The following LRMDA variants were observed in gnomAD, a reference collection of about 807,000 sequenced individuals.
LRMDA encodes leucine-rich melanocyte differentiation-associated protein.
Under a neutral mutation model 29.8 loss-of-function variants are expected in LRMDA, and 18 were observed. The ratio of observed to expected loss-of-function variants is 0.60; its 90% confidence interval spans 0.42 to 0.90. The LOEUF is 0.90. Among genes scored for constraint, LRMDA ranks in the 40% least tolerant of loss-of-function variants. LRMDA has a pLI of 0.00. For synonymous variants in LRMDA, 125 were observed against 109.4 expected, an observed-to-expected ratio of 1.14 and a Z score of -0.89; for missense variants, 273 against 273.9, an observed-to-expected ratio of 1.00 and a Z score of 0.02.
At chr10:75,833,933 C>T (rs919168138) in intron 2 of LRMDA, among the ~76,000 whole-genome samples, 16 of 152,102 alleles carry the variant, frequency 1.1e-4, no homozygotes, top group Admixed American at 3.9e-4. Flanking sequence ...TTTCAGGACC[C>T]GGGAATAATT....
At chr10:76,335,126 A>G (rs1452452831) in intron 6 of LRMDA, among the ~76,000 whole-genome samples, 2 of 152,226 alleles carry the variant, frequency 1.3e-5, no homozygotes, top group Non-Finnish European at 2.9e-5. Flanking sequence ...AATCTAGGTG[A>G]AAGTAGGGGG....
In LRMDA at chr10:75,431,656, G is replaced by GCCGCGCTCCCCGCTGCTGCCGCCGCGCCC. The variant is rs1844195670; in HGVS notation, c.-59_-31dup. On this transcript the variant is annotated 5_prime_UTR_variant, in exon 1 of 7. Coordinates refer to ENST00000611255, the MANE Select transcript of LRMDA (RefSeq NM_001305581.2). ...AACTGTGCGCCCGCCGCGCTCCCCTGCCGCGCTCCCCGCTGCTGCCGCCGC... is the reference window on the plus strand; with the variant it reads ...AACTGTGCGCCCGCCGCGCTCCCCTGCCGCGCTCCCCGCTGCTGCCGCCGCGCCCCCGCGCTCCCCGCTGCTGCCGCCGC... 1.6e-6 allele frequency: 2 copies of GCCGCGCTCCCCGCTGCTGCCGCCGCGCCC among 1,224,296 alleles called. No individual in the cohort carries two copies. The highest frequency in any genetic ancestry group is 7.1e-5 in the South Asian group (2 of 28,232). 75.8% of individuals were successfully genotyped at this position (1,224,296 alleles called of 1,614,324 possible).
At chr10:76,464,672 T>G (rs1842546851) in intron 6 of LRMDA, 1 of 152,200 alleles carries the variant, frequency 6.6e-6, no homozygotes, top group Admixed American at 6.5e-5. Flanking sequence ...CTCAAATACC[T>G]CCTTAATTTT....
chr10:75,678,808 G>A (rs1029854620), intron 2 of LRMDA, among the ~76,000 whole-genome samples: 6 of 152,150 alleles, frequency 3.9e-5, no homozygotes, highest in Non-Finnish European at 7.4e-5. Flanking sequence ...GGTATAGTGA[G>A]TCCAGTCAAA....
intron 5 of LRMDA, among the ~76,000 whole-genome samples, chr10:76,111,320 T>C (rs554726997): frequency 1.3e-5 from 2 of 152,394 alleles, no homozygotes; most frequent in Admixed American, 6.5e-5. Context: ...TGCTCATCAT[T>C]GATATCCTTA....
At chr10:75,621,604 G>A (rs1374927572) in intron 2 of LRMDA, among the ~76,000 whole-genome samples, 2 of 152,170 alleles carry the variant, frequency 1.3e-5, no homozygotes, top group Admixed American at 6.5e-5. Context: ...CCAGAGAATT[G>A]CCGTCTCCTG....
chr10:75,550,240 A>G (rs1014980690), intron 2 of LRMDA, among the ~76,000 whole-genome samples: 3 of 152,106 alleles, frequency 2.0e-5, no homozygotes, highest in African/African-American at 7.2e-5. Context: ...AGGCTTCTAT[A>G]TCTTTACTTA....
intron 2 of LRMDA, among the ~76,000 whole-genome samples, chr10:75,550,515 A>G (rs1032986239): frequency 4.6e-5 from 7 of 151,874 alleles, no homozygotes; most frequent in African/African-American, 7.3e-5. Flanking sequence ...TGTTGTATCT[A>G]TTTTTTCACT....
intron 2 of LRMDA, among the ~76,000 whole-genome samples, chr10:75,974,588 T>C (rs1847037497): frequency 1.3e-5 from 2 of 152,218 alleles, no homozygotes; most frequent in African/African-American, 4.8e-5. Flanking sequence ...TTCACATTCA[T>C]GAACTCATTC....
chr10:76,545,665 ATTATTATTG>A (rs1309521854), intron 6 of LRMDA, among the ~76,000 whole-genome samples: 3 of 117,306 alleles, frequency 2.6e-5, no homozygotes, highest in African/African-American at 8.9e-5. Flanking sequence ...TATTATTATT[ATTATTATTG>A]TTATTATTTA....
At chr10:76,308,626 A>C (rs1840590043) in intron 5 of LRMDA, among the ~76,000 whole-genome samples, 1 of 152,048 alleles carries the variant, frequency 6.6e-6, no homozygotes, top group Non-Finnish European at 1.5e-5. Context: ...CTGCTTTCTC[A>C]CCAATCTCTC....
At chr10:75,553,050 G>C (rs1310939170) in intron 2 of LRMDA, among the ~76,000 whole-genome samples, 1 of 151,950 alleles carries the variant, frequency 6.6e-6, no homozygotes, top group African/African-American at 2.4e-5. Context: ...TCTGTTTCTG[G>C]TAATGTTGAC....
chr10:75,664,487 G>T (rs922981544), intron 2 of LRMDA, among the ~76,000 whole-genome samples: 1 of 152,128 alleles, frequency 6.6e-6, no homozygotes, highest in African/African-American at 2.4e-5. Context: ...AGCACACAGT[G>T]ATCCTGAGCC....
intron 5 of LRMDA, among the ~76,000 whole-genome samples, chr10:76,071,502 A>C (rs1023749656): frequency 2.0e-5 from 3 of 152,234 alleles, no homozygotes; most frequent in African/African-American, 7.2e-5. Flanking sequence ...CTCAATACCA[A>C]CTTGCAGCCT....
chr10:75,650,264 A>C (rs1233287733), intron 2 of LRMDA, among the ~76,000 whole-genome samples: 1 of 152,134 alleles, frequency 6.6e-6, no homozygotes, highest in Non-Finnish European at 1.5e-5. Context: ...TTAAATGCTC[A>C]GTTATTTGAT....
At chr10:75,491,458 T>C (rs148360149) in intron 2 of LRMDA, among the ~76,000 whole-genome samples, 168 of 152,322 alleles carry the variant, frequency 1.1e-3, no homozygotes, top group African/African-American at 3.9e-3. Context: ...TGGTCTTTAT[T>C]TCCCATTTTT....
At chr10:76,119,848 T>C (rs1849748555) in intron 5 of LRMDA, among the ~76,000 whole-genome samples, 1 of 152,216 alleles carries the variant, frequency 6.6e-6, no homozygotes, top group Non-Finnish European at 1.5e-5. Flanking sequence ...TCCATTTATA[T>C]TTTAATCATG....
rs549036361 is a variant in LRMDA, at chr10:76,262,212, C to T, written c.517-62189C>T. ...CACTGTACTTCAGCCTGGACAACAA[C>T]GTGAGACTCCATTTCTTAAAGTAAA... On this transcript the variant is annotated intron_variant, in intron 5 of 6. Coordinates refer to ENST00000611255, the MANE Select transcript of LRMDA (RefSeq NM_001305581.2). Among the ~76,000 whole-genome samples the T allele has an allele frequency of 1.3e-4, 20 of 152,112 alleles. No homozygotes were observed. The East Asian group carries it at 1.7e-3, about 13-fold the overall frequency.
At chr10:75,869,931 A>G (rs760999208) in intron 2 of LRMDA, among the ~76,000 whole-genome samples, 1 of 151,762 alleles carries the variant, frequency 6.6e-6, no homozygotes, top group African/African-American at 2.4e-5. Context: ...TGCTTTCTCT[A>G]CTCTTAAACA....
Sources: gnomAD v4.1 joint callset for allele counts (sites outside exome capture counted in the v4.1 genomes callset) on GRCh38, gnomAD v4.1.1 for gene constraint, MANE v1.5 for transcripts, NCBI Gene and HGNC (gene_info 2026-07-23, HGNC 2026-07-21) for gene names.